SEMA3A: variants seen among roughly 807,000 people sequenced by gnomAD.
SEMA3A encodes the protein semaphorin-3A.
A neutral mutation model predicts 97.9 loss-of-function variants in SEMA3A; 29 were observed. The observed-to-expected ratio is 0.30, with a 90% CI of 0.22 to 0.40. The LOEUF (loss-of-function observed/expected upper bound fraction) is 0.40, where lower values mean the gene tolerates loss of function less well. SEMA3A is among the 10% of genes least tolerant of loss of function. The pLI is 1.00. For synonymous variants in SEMA3A, 321 were observed against 323.7 expected, an observed-to-expected ratio of 0.99 and a Z score of 0.09; for missense variants, 763 against 951.3, an observed-to-expected ratio of 0.80 and a Z score of 2.60.
At chr7:84,193,045 C>T (rs186096320) in intron 1 of SEMA3A, among the ~76,000 whole-genome samples, 33 of 151,954 alleles carry the variant, frequency 2.2e-4, no homozygotes, top group South Asian at 1.0e-3. Context: ...AATTAAATAA[C>T]GCTACATGAT....
intron 12 of SEMA3A, among the ~76,000 whole-genome samples, chr7:84,001,069 GT>G (rs34816248): frequency 0.096 from 14,194 of 147,810 alleles, 832 homozygotes; most frequent in African/African-American, 0.16. Flanking sequence ...TCTAATACGT[GT>G]TTTTTTTTTT....
At chr7:84,299,110 C>A (rs1399121924) in intron 3 of SEMA3A, among the ~76,000 whole-genome samples, 2 of 151,994 alleles carry the variant, frequency 1.3e-5, no homozygotes, top group Non-Finnish European at 2.9e-5. Context: ...GGAAGTCAAA[C>A]TGATCCACCA....
intron 6 of SEMA3A, among the ~76,000 whole-genome samples, chr7:84,030,621 A>G (rs903982587): frequency 1.3e-5 from 2 of 152,024 alleles, no homozygotes; most frequent in African/African-American, 4.8e-5. Flanking sequence ...TAAAATAAGG[A>G]GTCTAGATAA....
intron 1 of SEMA3A, among the ~76,000 whole-genome samples, chr7:84,463,288 A>C (rs867403197): frequency 8.3e-6 from 1 of 120,012 alleles, no homozygotes; most frequent in Non-Finnish European, 1.6e-5. Context: ...TTGCTCTGTC[A>C]CACAGGCTGG....
At chr7:84,115,896 TG>T (rs1256229311) in intron 3 of SEMA3A, among the ~76,000 whole-genome samples, 3 of 152,184 alleles carry the variant, frequency 2.0e-5, no homozygotes, top group African/African-American at 7.2e-5. Flanking sequence ...TTGGTTTACA[TG>T]AAGTAAGGAG....
chr7:84,050,623 G>A lies in SEMA3A; in HGVS notation c.548-4180C>T, dbSNP rs1792583218. Among the ~76,000 whole-genome samples, 7 of 152,068 alleles carry A rather than the reference G, an allele frequency of 4.6e-5. No individual in the cohort carries two copies. The East Asian group carries it at 7.7e-4, about 17-fold the overall frequency. ...TCTGGATATTAGCCCTTTGTCAGAT[G>A]AGTAGGTTGCGAAAATTTTCTCCCA... On this transcript the variant is annotated intron_variant, in intron 5 of 16. Transcript: ENST00000265362.
chr7:84,475,849 A>G (rs554073849), intron 1 of SEMA3A, among the ~76,000 whole-genome samples: 44 of 152,256 alleles, frequency 2.9e-4, no homozygotes, highest in African/African-American at 9.1e-4. Context: ...TCTCCCTAAA[A>G]TGTTTCAGCA....
At chr7:84,281,967 A>C (rs968872375) in intron 3 of SEMA3A, among the ~76,000 whole-genome samples, 1 of 152,144 alleles carries the variant, frequency 6.6e-6, no homozygotes, top group Non-Finnish European at 1.5e-5. Flanking sequence ...AGAACACAGA[A>C]ATTGCCATTT....
At position 84,005,449 on chromosome 7, in the gene SEMA3A, T is replaced by C; in HGVS notation, c.1250A>G (p.Asn417Ser). The change falls in exon 11 of 17, where the codon AAC (asparagine) becomes AGC (serine). Residue 417 changes from asparagine (N) to serine (S), a missense_variant. Asn to Ser is a conservative substitution (Grantham distance 46). This residue lies in a region of SEMA3A where 678 missense variants were observed against 881.3 expected (regional missense o/e 0.77). Coordinates refer to ENST00000265362, the MANE Select transcript of SEMA3A (RefSeq NM_006080.3). Reference sequence around the variant, plus strand: ...CGTTTTGATCACTATTGGGCGATTGTTCATAGGAAACACTGGATTGTACAT... The same window carrying C: ...CGTTTTGATCACTATTGGGCGATTGCTCATAGGAAACACTGGATTGTACAT... ...PAMYNPVFPM[N>S]NRPIVIKTDV... The C allele has an allele frequency of 6.2e-7, 1 of 1,613,892 alleles. No individual in the cohort carries two copies. The highest frequency in any genetic ancestry group is 8.5e-7 in the Non-Finnish European group (1 of 1,179,808).
intron 1 of SEMA3A, among the ~76,000 whole-genome samples, chr7:84,186,627 T>C (rs1797895238): frequency 1.5e-5 from 2 of 133,738 alleles, no homozygotes; most frequent in Non-Finnish European, 3.3e-5. Flanking sequence ...TGGATTACAC[T>C]TGGATTACAC....
chr7:84,457,597 G>A (rs1049063838), intron 1 of SEMA3A, among the ~76,000 whole-genome samples: 3 of 151,852 alleles, frequency 2.0e-5, no homozygotes, highest in Non-Finnish European at 4.4e-5. Flanking sequence ...GTTCAGATGA[G>A]GCATTTCTGC....
intron 12 of SEMA3A, among the ~76,000 whole-genome samples, chr7:83,998,975 C>T (rs556816643): frequency 6.6e-6 from 1 of 152,026 alleles, no homozygotes; most frequent in Non-Finnish European, 1.5e-5. Flanking sequence ...CACATTATCT[C>T]CTATGATAAC....
chr7:84,329,131 A>G (rs62472594), intron 2 of SEMA3A, among the ~76,000 whole-genome samples: 7,039 of 152,092 alleles, frequency 0.046, 239 homozygotes, highest in Non-Finnish European at 0.07. Context: ...GATTGCATCA[A>G]GCAAACGGGG....
chr7:84,132,323 T>C (rs1484830617), intron 2 of SEMA3A, among the ~76,000 whole-genome samples: 1 of 152,180 alleles, frequency 6.6e-6, no homozygotes, highest in Non-Finnish European at 1.5e-5. Flanking sequence ...TTTAAGATAG[T>C]TCATTTTAAG....
chr7:84,285,967 T>A (rs1193112787), intron 3 of SEMA3A, among the ~76,000 whole-genome samples: 5 of 110,856 alleles, frequency 4.5e-5, no homozygotes, highest in African/African-American at 1.2e-4. Flanking sequence ...TCAGACCCCA[T>A]CTCAAAAAAA....
chr7:84,165,569 T>C (rs571661618), intron 1 of SEMA3A, among the ~76,000 whole-genome samples: 2 of 152,246 alleles, frequency 1.3e-5, no homozygotes, highest in East Asian at 3.9e-4. Flanking sequence ...CCTTCTTTTT[T>C]TGAGGCGGAG....
chr7:84,230,577 G>A (rs189098498), intron 3 of SEMA3A, among the ~76,000 whole-genome samples: 9 of 151,980 alleles, frequency 5.9e-5, no homozygotes, highest in Non-Finnish European at 1.0e-4. Context: ...TAGCTCATGC[G>A]TCTCCTAGGT....
chr7:84,355,688 TCAAGGGCC>T (rs1244621995), intron 2 of SEMA3A, among the ~76,000 whole-genome samples: 1 of 151,822 alleles, frequency 6.6e-6, no homozygotes, highest in Non-Finnish European at 1.5e-5. Flanking sequence ...TATAATCTGA[TCAAGGGCC>T]CACATCATAT....
At chr7:84,005,262 G>T (rs1790617945) in intron 11 of SEMA3A, 77 bp downstream of exon 11, 6 of 1,083,716 alleles carry the variant, frequency 5.5e-6, no homozygotes, top group Non-Finnish European at 8.5e-6. Context: ...CCCAACCCCT[G>T]AGATGTTCAA....
Sources: allele counts gnomAD v4.1 joint callset (sites outside exome capture counted in the v4.1 genomes callset), GRCh38; gene constraint gnomAD v4.1.1; regional missense constraint gnomAD v4.1.1; transcripts MANE v1.5; gene names NCBI Gene and HGNC (gene_info 2026-07-23, HGNC 2026-07-21).